NSG2: variants seen among roughly 807,000 people sequenced by gnomAD.
NSG2 encodes the protein neuronal vesicle trafficking associated 2, also known as neuronal vesicle trafficking-associated protein 2.
NSG2 carries 4 observed loss-of-function variants against 16.9 expected under a neutral mutation model. That is an observed-to-expected ratio of 0.24 (90% CI 0.12 to 0.54). The LOEUF (loss-of-function observed/expected upper bound fraction) is 0.54. NSG2 is among the 20% of genes least tolerant of loss of function. The pLI is 0.95. For synonymous variants in NSG2, 98 were observed against 88.7 expected (o/e 1.11, Z -0.59); for missense variants, 179 against 221.1 (o/e 0.81, Z 1.21).
rs752375646 is a variant in NSG2 at position 174,106,583 on chromosome 5, C to CTTTTT, written c.325-706_325-702dup. 3.6e-4 allele frequency among the ~76,000 whole-genome samples: 34 copies of CTTTTT among 93,490 alleles called. 1 individual carries two copies. The highest frequency in any genetic ancestry group is 6.4e-4 in the African/African-American group (15 of 23,480). 61.3% of individuals were successfully genotyped at this position (93,490 alleles called of 152,430 possible). A position where few individuals can be genotyped will look rare whatever the true frequency, so the allele number is the denominator to read the frequency against. ...ACATGAATGTTGTTAGGAATGAAGCCTTTTTTTTTTTTTTTTTTTTTTTTT... is the reference window on the plus strand; with the variant it reads ...ACATGAATGTTGTTAGGAATGAAGCCTTTTTTTTTTTTTTTTTTTTTTTTTTTTTT... On this transcript the variant is annotated intron_variant, in intron 4 of 4. Coordinates refer to ENST00000303177, the MANE Select transcript of NSG2 (RefSeq NM_015980.5).
chr5:174,051,979 A>T (rs17076784), intron 2 of NSG2, among the ~76,000 whole-genome samples: 33,030 of 151,792 alleles, frequency 0.22, 4,922 homozygotes, highest in African/African-American at 0.42. Context: ...GTTTATGTGG[A>T]TTGTTTGTTT....
At chr5:174,096,828 T>C (rs1581241443) in intron 3 of NSG2, among the ~76,000 whole-genome samples, 1 of 151,368 alleles carries the variant, frequency 6.6e-6, no homozygotes, top group Non-Finnish European at 1.5e-5. Flanking sequence ...CGCTGCAGAG[T>C]CAGGCCCCAG....
At chr5:174,059,147 C>T (rs1760010501) in intron 2 of NSG2, among the ~76,000 whole-genome samples, 1 of 152,244 alleles carries the variant, frequency 6.6e-6, no homozygotes, top group South Asian at 2.1e-4. Context: ...TTATGATAAA[C>T]ATATTATACA....
intron 3 of NSG2, among the ~76,000 whole-genome samples, chr5:174,103,526 C>T (rs1276675585): frequency 2.0e-5 from 3 of 152,142 alleles, no homozygotes; most frequent in East Asian, 1.9e-4. Flanking sequence ...GGTTGCAATG[C>T]ACCAGTGCTG....
In NSG2 at chr5:174,046,796, A is replaced by G; in HGVS notation, c.41A>G (p.Lys14Arg). ...AGTAACCCCAGCGAGAAGGGAACCAAGCCGCCTTCAGTTGAGGATGGCTTC... is the reference window on the plus strand; with the variant it reads ...AGTAACCCCAGCGAGAAGGGAACCAGGCCGCCTTCAGTTGAGGATGGCTTC... ...LNSNPSEKGT[K>R]PPSVEDGFQT... Residue 14 changes from lysine (K) to arginine (R), a missense_variant, in exon 2 of 5, where the codon AAG becomes AGG. Coordinates refer to ENST00000303177, the MANE Select transcript of NSG2 (RefSeq NM_015980.5). 1 of 1,614,156 alleles carries G rather than the reference A, an allele frequency of 6.2e-7. No homozygotes were observed. Among genetic ancestry groups the G allele is most frequent in the Non-Finnish European group, 8.5e-7 (1 of 1,180,024 alleles).
At position 174,047,924 on chromosome 5, in the gene NSG2, A is replaced by G. The variant is rs556485810; in HGVS notation, c.129+1040A>G. On this transcript the variant is annotated intron_variant, in intron 2 of 4. Transcript: ENST00000303177. ...GATCATTCCATCTGTTTGATTTCCC[A>G]TTGGCATCTGCAGGAGGGCATTGTG... Among the ~76,000 whole-genome samples the G allele has an allele frequency of 2.6e-5, 4 of 152,314 alleles. No individual in the cohort carries two copies. In the East Asian group the frequency reaches 7.7e-4, roughly 29 times the overall value.
intron 2 of NSG2, among the ~76,000 whole-genome samples, chr5:174,047,584 A>C (rs1228830555): frequency 2.6e-5 from 4 of 152,214 alleles, no homozygotes; most frequent in Non-Finnish European, 5.9e-5. Flanking sequence ...TTTTTAAGGC[A>C]AAGGGCACAC....
chr5:174,088,942 T>G (rs1464597994), intron 3 of NSG2, among the ~76,000 whole-genome samples: 1 of 152,164 alleles, frequency 6.6e-6, no homozygotes, highest in Admixed American at 6.5e-5. Context: ...GAAACATACT[T>G]CCTGGCCTGG....
chr5:174,074,474 T>A (rs1342997844), intron 3 of NSG2, among the ~76,000 whole-genome samples: 1 of 152,116 alleles, frequency 6.6e-6, no homozygotes, highest in African/African-American at 2.4e-5. Flanking sequence ...CAGTTGCTCC[T>A]CTTGGCTTAC....
chr5:174,102,121 T>G (rs1209304523), intron 3 of NSG2, among the ~76,000 whole-genome samples: 1 of 152,206 alleles, frequency 6.6e-6, no homozygotes, highest in Non-Finnish European at 1.5e-5. Context: ...TGTTACACAG[T>G]ACTGTCCTAA....
At chr5:174,066,358 C>T in intron 3 of NSG2, 1 of 430,478 alleles carries the variant, frequency 2.3e-6, no homozygotes, top group Non-Finnish European at 4.8e-6. Flanking sequence ...GTCAAATTTA[C>T]CTGCCTTCCT....
intron 2 of NSG2, among the ~76,000 whole-genome samples, chr5:174,057,078 C>A (rs1245894992): frequency 1.3e-5 from 2 of 152,178 alleles, no homozygotes; most frequent in African/African-American, 4.8e-5. Flanking sequence ...AAAGTTATTT[C>A]TTTGCCCAAA....
intron 3 of NSG2, among the ~76,000 whole-genome samples, chr5:174,071,236 C>T (rs1760236123): frequency 6.6e-6 from 1 of 152,210 alleles, no homozygotes; most frequent in South Asian, 2.1e-4. Context: ...TGCCTGTTAT[C>T]CTAGCACTTC....
chr5:174,073,193 T>C (rs1156501640), intron 3 of NSG2, among the ~76,000 whole-genome samples: 1 of 152,234 alleles, frequency 6.6e-6, no homozygotes, highest in African/African-American at 2.4e-5. Context: ...TGCCACATTC[T>C]TAAGAAGTTA....
At chr5:174,104,442 C>G in intron 4 of NSG2, 104 bp downstream of exon 4, 1 of 774,924 alleles carries the variant, frequency 1.3e-6, no homozygotes, top group Non-Finnish European at 2.2e-6. Context: ...GACGACCTCT[C>G]TACCGACTGT....
At chr5:174,103,522 A>G (rs1760932646) in intron 3 of NSG2, among the ~76,000 whole-genome samples, 1 of 152,178 alleles carries the variant, frequency 6.6e-6, no homozygotes, top group Non-Finnish European at 1.5e-5. Flanking sequence ...CCGAGGTTGC[A>G]ATGCACCAGT....
At position 174,108,701 on chromosome 5, in the gene NSG2, A is replaced by G. The variant is rs1330085741; in HGVS notation, c.*1196A>G. 1 of 152,394 alleles carries G rather than the reference A, an allele frequency of 6.6e-6. No individual in the cohort carries two copies. Among genetic ancestry groups the G allele is most frequent in the African/African-American group, 2.4e-5 (1 of 41,458 alleles). The allele number at this position is 152,394 out of a possible 1,614,324, so 9.4% of individuals were successfully genotyped here. ...TGACCAGGCCTCCCAGTTCCCTGGA[A>G]CCGTATCAGGCATTCGCCTGCCTCT... On this transcript the variant is annotated 3_prime_UTR_variant, in exon 5 of 5. Transcript: ENST00000303177.
Position 174,050,240 on chromosome 5 carries a change from T to C in NSG2, c.129+3356T>C, listed in dbSNP as rs553439495. 2.6e-5 allele frequency among the ~76,000 whole-genome samples: 4 copies of C among 152,312 alleles called. No homozygotes were observed. The South Asian group carries it at 6.2e-4, about 24-fold the overall frequency. On this transcript the variant is annotated intron_variant, in intron 2 of 4. Coordinates refer to ENST00000303177, the MANE Select transcript of NSG2 (RefSeq NM_015980.5). The stretch of plus-strand genomic sequence containing the variant: ...TGACCCCAATGTCAGATCATGGCTT[T>C]TCTTTTTGAAAATGTAAAATACAGA...
chr5:174,100,584 G>A (rs1037551227), intron 3 of NSG2, among the ~76,000 whole-genome samples: 3 of 152,014 alleles, frequency 2.0e-5, no homozygotes, highest in African/African-American at 7.2e-5. Flanking sequence ...TGTGAAGCAG[G>A]GTTTGAAACC....
Sources: gnomAD v4.1 joint callset for allele counts (sites outside exome capture counted in the v4.1 genomes callset) on GRCh38, gnomAD v4.1.1 for gene constraint, MANE v1.5 for transcripts, NCBI Gene and HGNC (gene_info 2026-07-23, HGNC 2026-07-21) for gene names.